TCP1: variants seen among roughly 807,000 people sequenced by gnomAD.
The protein encoded by TCP1 is T-complex protein 1 subunit alpha.
A neutral mutation model predicts 54.7 loss-of-function variants in TCP1; 6 were observed. The observed-to-expected ratio is 0.11, with a 90% CI of 0.06 to 0.22. The LOEUF is 0.22. Among genes scored for constraint, TCP1 ranks in the 10% least tolerant of loss-of-function variants. TCP1 has a pLI of 1.00. For synonymous variants in TCP1, 225 were observed against 229.7 expected, an observed-to-expected ratio of 0.98 and a Z score of 0.19; for missense variants, 511 against 678.2, an observed-to-expected ratio of 0.75 and a Z score of 2.74.
At position 159,782,116 on chromosome 6, in the gene TCP1, C is replaced by T. The variant is rs369508788; in HGVS notation, c.798-1006G>A. ...TGGGAAATGAGAGTTTAGTTGAGGACAAGATTAAGTTTGAAGTCTCTGCTG... is the reference window on the plus strand; with the variant it reads ...TGGGAAATGAGAGTTTAGTTGAGGATAAGATTAAGTTTGAAGTCTCTGCTG... On this transcript the variant is annotated intron_variant, in intron 7 of 11. Transcript: ENST00000321394. 7.2e-5 allele frequency among the ~76,000 whole-genome samples: 11 copies of T among 152,146 alleles called. No individual in the cohort carries two copies. The South Asian group carries it at 2.3e-3, about 32-fold the overall frequency.
In TCP1 at chr6:159,784,962, C is replaced by T. The variant is rs879188608; in HGVS notation, c.489-115G>A. ...TTAGTAATCTAATCTATTAAAGCAG[C>T]AAGCATTACTTGTCACCAAAATGTT... On this transcript the variant is annotated intron_variant, in intron 5 of 11. Transcript: ENST00000321394. The T allele has an allele frequency of 7.2e-6, 7 of 975,266 alleles. No individual in the cohort carries two copies. In the South Asian group the frequency reaches 8.4e-5, roughly 12 times the overall value. 60.4% of individuals were successfully genotyped at this position (975,266 alleles called of 1,614,324 possible).
In TCP1 at chr6:159,789,589, T is replaced by A; in HGVS notation, c.-121A>T. ...CGGCGTGGAGCGTACCCGAGCGATG[T>A]CCCAGGAGCTACTGGGTAACACACC... On this transcript the variant is annotated 5_prime_UTR_variant, in exon 1 of 12. Transcript: ENST00000321394. 1 of 1,237,510 alleles carries A rather than the reference T, an allele frequency of 8.1e-7. No individual in the cohort carries two copies. The highest frequency in any genetic ancestry group is 1.2e-6 in the Non-Finnish European group (1 of 864,672). The allele number at this position is 1,237,510 out of a possible 1,614,324, so 76.7% of individuals were successfully genotyped here. A position where few individuals can be genotyped will look rare whatever the true frequency, so the allele number is the denominator to read the frequency against.
chr6:159,779,358 A>T, intron 11 of TCP1, 97 bp from the exon 12 acceptor site: 1 of 1,190,150 alleles, frequency 8.4e-7, no homozygotes, highest in Non-Finnish European at 1.2e-6. Flanking sequence ...TTGATTTTTA[A>T]ATCAGACTAG....
At chr6:159,789,151 CG>C in intron 1 of TCP1, 2 of 480,706 alleles carry the variant, frequency 4.2e-6, no homozygotes, top group South Asian at 6.7e-5. Context: ...TTTCCAACGC[CG>C]CCCCGGACAC....
chr6:159,788,260 CA>C (rs1258652892), intron 1 of TCP1, 117 bp from the exon 2 acceptor site: 6 of 941,200 alleles, frequency 6.4e-6, no homozygotes, highest in East Asian at 2.6e-5. Flanking sequence ...CCCAAATCTA[CA>C]AATCTGTGTT....
rs747992637 is a variant in TCP1, at chr6:159,779,875, C to G, written c.1290+20G>C. 1 of 1,611,342 alleles carries G rather than the reference C, an allele frequency of 6.2e-7. No individual in the cohort carries two copies. The highest frequency in any genetic ancestry group is 8.5e-7 in the Non-Finnish European group (1 of 1,178,998). On this transcript the variant is annotated intron_variant, in intron 10 of 11. Coordinates refer to ENST00000321394, the MANE Select transcript of TCP1 (RefSeq NM_030752.3). ...AGCTACTGCTCTCAGGCCTCTAAGA[C>G]AAGAAATGACTGTTCTTACCATGCT... is the stretch of plus-strand genomic sequence containing the variant.
chr6:159,779,961 C>T lies in TCP1; in HGVS notation c.1224G>A (p.Val408=). 1 of 1,614,082 alleles carries T rather than the reference C, an allele frequency of 6.2e-7. No homozygotes were observed. Among genetic ancestry groups the T allele is most frequent in the Non-Finnish European group, 8.5e-7 (1 of 1,180,026 alleles). The change falls in exon 10 of 12, where the codon GTG becomes GTA. Residue 408 remains valine, a synonymous_variant. Transcript: ENST00000321394. The part of the protein sequence containing the change: ...VVKRVLESKS[V]VPGGGAVEAA... Reference sequence around the variant, plus strand: ...CTTCTACAGCACCCCCACCGGGAACCACAGATTTTGACTCCAAAACTCTCT... The same window carrying T: ...CTTCTACAGCACCCCCACCGGGAACTACAGATTTTGACTCCAAAACTCTCT...
At chr6:159,788,306 G>A (rs2114999032) in intron 1 of TCP1, 163 bp from the exon 2 acceptor site, 1 of 621,518 alleles carries the variant, frequency 1.6e-6, no homozygotes, top group East Asian at 3.0e-5. Context: ...GAGTGTAAAT[G>A]GGGCCAGACA....
chr6:159,788,274 T>C (rs2114998979), intron 1 of TCP1, 131 bp from the exon 2 acceptor site: 2 of 858,334 alleles, frequency 2.3e-6, no homozygotes, highest in East Asian at 2.7e-5. Flanking sequence ...TCTGTGTTAA[T>C]TATTTAAAAA....
chr6:159,778,889 A>G lies in TCP1; in HGVS notation c.*156T>C, dbSNP rs1780501188. The G allele has an allele frequency of 1.1e-5, 17 of 1,605,330 alleles. No homozygotes were observed. Among genetic ancestry groups the G allele is most frequent in the South Asian group, 3.3e-5 (3 of 90,194 alleles). ...TAAACTAATAAAGTACTAGGTTGCAATATGTGAAATCAGAGGACCAAAGTA... is the reference window on the plus strand; with the variant it reads ...TAAACTAATAAAGTACTAGGTTGCAGTATGTGAAATCAGAGGACCAAAGTA... On this transcript the variant is annotated 3_prime_UTR_variant, in exon 12 of 12. Coordinates refer to ENST00000321394, the MANE Select transcript of TCP1 (RefSeq NM_030752.3).
intron 3 of TCP1, 43 bp downstream of exon 3, chr6:159,787,700 G>A (rs762162758): frequency 1.3e-6 from 2 of 1,588,592 alleles, no homozygotes; most frequent in Non-Finnish European, 1.7e-6. Context: ...CTGAAAGTCG[G>A]TCGTTTTTAG....
At chr6:159,780,186 TAA>T in intron 9 of TCP1, 99 bp from the exon 10 acceptor site, 2 of 1,438,286 alleles carry the variant, frequency 1.4e-6, no homozygotes, top group South Asian at 2.4e-5. Context: ...TTTAATAAAA[TAA>T]GTCTACATAA....
At position 159,785,977 on chromosome 6, in the gene TCP1, G is replaced by T; in HGVS notation, c.300C>A (p.Leu100=). The change falls in exon 4 of 12, where the codon CTC becomes CTA. Residue 100 remains leucine (L), a synonymous_variant. Coordinates refer to ENST00000321394, the MANE Select transcript of TCP1 (RefSeq NM_030752.3). ...TTSVVIIAAE[L]LKNADELVKQ... ...TGACTAATTCATCTGCATTTTTTAG[G>T]AGTTCTGCTGCAATAATAACCTGTT... The T allele has an allele frequency of 6.2e-7, 1 of 1,613,746 alleles. No homozygotes were observed.
intron 3 of TCP1, 36 bp from the exon 4 acceptor site, chr6:159,786,033 G>C: frequency 6.5e-7 from 1 of 1,527,552 alleles, no homozygotes; most frequent in South Asian, 1.1e-5. Context: ...GAGTGTGCCG[G>C]ATATTCAACA....
rs1160216493 is a variant in TCP1 at position 159,789,410 on chromosome 6, T to C, written c.59A>G (p.Gln20Arg). 1 of 1,613,714 alleles carries C rather than the reference T, an allele frequency of 6.2e-7. No individual in the cohort carries two copies. The highest frequency in any genetic ancestry group is 8.5e-7 in the Non-Finnish European group (1 of 1,179,820). ...CAGGCCCGGCCCGCCCTTACCGTTT[T>C]GGGAGCGGATCGTTTCCCCAGTGCT... is the stretch of plus-strand genomic sequence containing the variant. ...DRSTGETIRS[Q>R]NVMAAASIAN... is the part of the protein sequence containing the mutation. The change falls in exon 1 of 12, where the codon CAA becomes CGA. Residue 20 changes from glutamine (Q) to arginine (R), a missense_variant. Gln to Arg is a conservative substitution (Grantham distance 43). Coordinates refer to ENST00000321394, the MANE Select transcript of TCP1 (RefSeq NM_030752.3).
At chr6:159,786,702 T>G (rs991229597) in intron 3 of TCP1, among the ~76,000 whole-genome samples, 1 of 152,244 alleles carries the variant, frequency 6.6e-6, no homozygotes, top group African/African-American at 2.4e-5. Flanking sequence ...AGGAGTAGAT[T>G]CCATTCTTTC....
chr6:159,787,883 G>C lies in TCP1; in HGVS notation c.151-12C>G. ...GTAATGGTTACATCCTAAGAAATTCGCAGGAAAAAATATGAACCACTTATA... is the reference window on the plus strand; with the variant it reads ...GTAATGGTTACATCCTAAGAAATTCCCAGGAAAAAATATGAACCACTTATA... On this transcript the variant is annotated splice_polypyrimidine_tract_variant and intron_variant, in intron 2 of 11. Coordinates refer to ENST00000321394, the MANE Select transcript of TCP1 (RefSeq NM_030752.3). 1 of 1,613,000 alleles carries C rather than the reference G, an allele frequency of 6.2e-7. No individual in the cohort carries two copies. Among genetic ancestry groups the C allele is most frequent in the Non-Finnish European group, 8.5e-7 (1 of 1,179,244 alleles).
At chr6:159,784,592 C>A in intron 6 of TCP1, 74 bp downstream of exon 6, 1 of 1,512,210 alleles carries the variant, frequency 6.6e-7, no homozygotes, top group Admixed American at 2.0e-5. Context: ...GCATGAGCCA[C>A]CGCGCCCAGC....
chr6:159,784,803 G>A lies in TCP1; in HGVS notation c.533C>T (p.Ala178Val), dbSNP rs1375238763. The A allele has an allele frequency of 1.2e-6, 2 of 1,613,986 alleles. No homozygotes were observed. The highest frequency in any genetic ancestry group is 4.5e-5 in the East Asian group (2 of 44,884). The change falls in exon 6 of 12, where the codon GCT becomes GTT. Residue 178 changes from alanine (A) to valine (V), a missense_variant. Physicochemically the swap from Ala to Val is moderately conservative, Grantham distance 64 (BLOSUM62 0). Coordinates refer to ENST00000321394, the MANE Select transcript of TCP1 (RefSeq NM_030752.3). ...FANMVVDAVL[A>V]IKYTDIRGQP... ...GCCTCTTATGTCTGTGTATTTAATA[G>A]CAAGTACAGCATCTACTACCATGTT... is the stretch of plus-strand genomic sequence containing the variant.
Sources: allele counts gnomAD v4.1 joint callset (sites outside exome capture counted in the v4.1 genomes callset), GRCh38; gene constraint gnomAD v4.1.1; transcripts MANE v1.5; gene names NCBI Gene and HGNC (gene_info 2026-07-23, HGNC 2026-07-21).